Variants in PROCR observed in about 807,000 individuals in gnomAD.
PROCR encodes the protein protein C receptor, also known as endothelial protein C receptor.
PROCR carries 22 observed loss-of-function variants against 24.2 expected under a neutral mutation model. That is an observed-to-expected ratio of 0.91 (90% CI 0.65 to 1.30). The LOEUF is 1.30. Ranked by LOEUF, PROCR falls within the 50% of genes most tolerant of loss-of-function variation. The pLI, the probability that PROCR is intolerant of heterozygous loss-of-function variation, is 0.00. For synonymous variants in PROCR, 137 were observed against 139.2 expected (o/e 0.98, Z 0.11); for missense variants, 288 against 307.7 (o/e 0.94, Z 0.48).
At chr20:35,189,966 G>A (rs1262638749) in intron 1 of PROCR, among the ~76,000 whole-genome samples, 1 of 152,010 alleles carries the variant, frequency 6.6e-6, no homozygotes, top group Non-Finnish European at 1.5e-5. Flanking sequence ...TCGCCTTTTT[G>A]TACAATTTTG....
chr20:35,207,392 G>GTGTGTATATATATA (rs1555791832), intron 1 of PROCR, among the ~76,000 whole-genome samples: 1 of 146,032 alleles, frequency 6.8e-6, no homozygotes, highest in African/African-American at 2.5e-5. Context: ...GTATGTTTGT[G>GTGTGTATATATATA]TATATATATA....
At chr20:35,175,639 C>T (rs1294407068) in intron 2 of PROCR, among the ~76,000 whole-genome samples, 9 of 117,246 alleles carry the variant, frequency 7.7e-5, no homozygotes, top group African/African-American at 2.7e-4. Flanking sequence ...GGCTGGAGTG[C>T]AGTGGCGCGA....
chr20:35,210,609 C>T (rs1453585901), intron 1 of PROCR, among the ~76,000 whole-genome samples: 2 of 152,016 alleles, frequency 1.3e-5, no homozygotes, highest in African/African-American at 2.4e-5. Flanking sequence ...TTTTCTGAAT[C>T]TTGTATTTTT....
At chr20:35,172,023 C>T (rs1220363092), upstream of PROCR, 2 of 797,336 alleles carry the variant, frequency 2.5e-6, no homozygotes, top group East Asian at 5.1e-5. Flanking sequence ...ATCTCCTGGC[C>T]TCCTTCCATC....
intron 1 of PROCR, among the ~76,000 whole-genome samples, chr20:35,189,300 G>T (rs1340414209): frequency 1.3e-5 from 2 of 150,610 alleles, no homozygotes; most frequent in Non-Finnish European, 3.0e-5. Flanking sequence ...CTCTGGAGGG[G>T]TGTCTGCCTT....
chr20:35,183,955 A>C (rs1014774420), intron 1 of PROCR, among the ~76,000 whole-genome samples: 1 of 152,226 alleles, frequency 6.6e-6, no homozygotes, highest in Non-Finnish European at 1.5e-5. Context: ...GATAGAATCA[A>C]TATTGTGAAA....
chr20:35,179,900 CTT>C (rs2086061764), downstream of PROCR, among the ~76,000 whole-genome samples: 1 of 152,206 alleles, frequency 6.6e-6, no homozygotes, highest in African/African-American at 2.4e-5. Flanking sequence ...TAATTCCTCT[CTT>C]TCTTTGTGGT....
chr20:35,176,722 C>T lies in PROCR; in HGVS notation c.626C>T (p.Thr209Ile). Reference protein sequence around the residue: ...TKGSQTSRSYTSLVLGVLVGS... With the variant: ...TKGSQTSRSYISLVLGVLVGS... ...GGGAGCCAAACAAGCCGCTCCTACACTTCGCTGGTCCTGGGCGTCCTGGTG... is the reference window on the plus strand; with the variant it reads ...GGGAGCCAAACAAGCCGCTCCTACATTTCGCTGGTCCTGGGCGTCCTGGTG... Residue 209 changes from threonine to isoleucine, a missense_variant, in exon 4 of 4, where the codon ACT becomes ATT. By Grantham distance (89) the Thr-to-Ile change is moderately conservative. Transcript: ENST00000216968. The T allele has an allele frequency of 6.2e-7, 1 of 1,612,976 alleles. No homozygotes were observed. The highest frequency in any genetic ancestry group is 8.5e-7 in the Non-Finnish European group (1 of 1,179,564).
intron 1 of PROCR, among the ~76,000 whole-genome samples, chr20:35,212,448 A>G (rs749661081): frequency 2.0e-5 from 3 of 152,078 alleles, no homozygotes; most frequent in Admixed American, 6.6e-5. Flanking sequence ...TCATTTTTGC[A>G]CTGGGCCCTG....
rs73282061 is a variant in PROCR at position 35,209,341 on chromosome 20, T to C, written c.95-6552T>C. Among the ~76,000 whole-genome samples the C allele has an allele frequency of 4.6e-3, 704 of 152,244 alleles. 11 individuals carry two copies. Among genetic ancestry groups the C allele is most frequent in the African/African-American group, 0.015 (638 of 41,542 alleles). The stretch of plus-strand genomic sequence containing the variant: ...GGGGAAGCCTAGAGGAGGAAGACAT[T>C]ATGAATGGAAAGAATATGAACTTGG... On this transcript the variant is annotated intron_variant, in intron 1 of 1. Coordinates refer to the PROCR transcript ENST00000634509.
At chr20:35,199,524 G>C (rs1245305600) in intron 1 of PROCR, among the ~76,000 whole-genome samples, 5 of 152,168 alleles carry the variant, frequency 3.3e-5, no homozygotes, top group Non-Finnish European at 5.9e-5. Context: ...GCCGAGGTGG[G>C]CGGATCACAG....
At chr20:35,177,552 A>G (rs535507147), downstream of PROCR, among the ~76,000 whole-genome samples, 84 of 149,880 alleles carry the variant, frequency 5.6e-4, no homozygotes, top group African/African-American at 1.9e-3. Flanking sequence ...GGTTCAAGCA[A>G]TTCTCCTGCC....
At chr20:35,183,300 G>T (rs2086095003) in intron 1 of PROCR, among the ~76,000 whole-genome samples, 1 of 152,146 alleles carries the variant, frequency 6.6e-6, no homozygotes, top group Non-Finnish European at 1.5e-5. Context: ...CTCATGAATG[G>T]CTTAACACCA....
intron 1 of PROCR, among the ~76,000 whole-genome samples, chr20:35,190,966 T>A (rs1266576488): frequency 6.6e-6 from 1 of 152,026 alleles, no homozygotes; most frequent in Non-Finnish European, 1.5e-5. Flanking sequence ...TTAAAGTGAT[T>A]CTCCTGCCTC....
chr20:35,211,851 T>G (rs1329007546), intron 1 of PROCR, among the ~76,000 whole-genome samples: 1 of 151,928 alleles, frequency 6.6e-6, no homozygotes, highest in Admixed American at 6.6e-5. Flanking sequence ...CCATCTCTAC[T>G]AAAAATATAA....
chr20:35,192,565 T>C (rs1276289706), intron 1 of PROCR, among the ~76,000 whole-genome samples: 1 of 152,184 alleles, frequency 6.6e-6, no homozygotes, highest in Non-Finnish European at 1.5e-5. Context: ...TTAGCTTCCC[T>C]ATCTTAGTGC....
At chr20:35,208,338 C>G (rs1422647698) in intron 1 of PROCR, among the ~76,000 whole-genome samples, 2 of 152,198 alleles carry the variant, frequency 1.3e-5, no homozygotes, top group African/African-American at 4.8e-5. Flanking sequence ...TCCTCTTGCT[C>G]TGTGTCTGTT....
chr20:35,211,299 G>A (rs2146182036), intron 1 of PROCR, among the ~76,000 whole-genome samples: 1 of 152,266 alleles, frequency 6.6e-6, no homozygotes, highest in Admixed American at 6.5e-5. Context: ...TAATGAGATT[G>A]CACCTCCATT....
chr20:35,210,902 A>G (rs150943454), intron 1 of PROCR, among the ~76,000 whole-genome samples: 3,205 of 152,112 alleles, frequency 0.021, 102 homozygotes, highest in African/African-American at 0.074. Flanking sequence ...TAGTAGAGAC[A>G]GGGTTTCACC....
Sources: allele counts gnomAD v4.1 joint callset (sites outside exome capture counted in the v4.1 genomes callset), GRCh38; gene constraint gnomAD v4.1.1; transcripts MANE v1.5; gene names NCBI Gene and HGNC (gene_info 2026-07-23, HGNC 2026-07-21).